ZFHX2: variants seen among roughly 807,000 people sequenced by gnomAD.
The protein encoded by ZFHX2 is zinc finger homeobox protein 2.
Under a neutral mutation model 164.8 loss-of-function variants are expected in ZFHX2, and 75 were observed. That is an observed-to-expected ratio of 0.46 (90% CI 0.38 to 0.55). ZFHX2 has a LOEUF of 0.55. Among genes scored for constraint, ZFHX2 ranks in the 20% least tolerant of loss-of-function variants. The pLI is 0.00. For missense variants in ZFHX2, 2,933 were observed against 3,308.0 expected, an observed-to-expected ratio of 0.89 and a Z score of 2.78; for synonymous variants, 1,217 against 1,351.4, an observed-to-expected ratio of 0.90 and a Z score of 2.18.
Position 23,529,784 on chromosome 14 carries a change from GA to G in ZFHX2, c.2876-17del. ...TCTTCTGAAGCTGAGGATGAAAGAA[GA>G]GGAGATTAAGGAACCCTGACAGCCC... is the stretch of plus-strand genomic sequence containing the variant. On this transcript the variant is annotated splice_polypyrimidine_tract_variant and intron_variant, in intron 5 of 9. Transcript: ENST00000419474. 3 of 1,536,260 alleles carry G rather than the reference GA, an allele frequency of 2.0e-6. No homozygotes were observed. The highest frequency in any genetic ancestry group is 2.6e-6 in the Non-Finnish European group (3 of 1,146,786).
chr14:23,538,818 G>A (rs776642738), intron 1 of ZFHX2, among the ~76,000 whole-genome samples: 20 of 152,152 alleles, frequency 1.3e-4, no homozygotes, highest in Non-Finnish European at 2.6e-4. Context: ...GGGCCTCTGT[G>A]AAGGAGAGGG....
chr14:23,532,921 C>G lies in ZFHX2; in HGVS notation c.2205G>C (p.Leu735=), dbSNP rs1476437859. The G allele has an allele frequency of 6.5e-6, 10 of 1,536,194 alleles. No individual in the cohort carries two copies. The highest frequency in any genetic ancestry group is 8.7e-6 in the Non-Finnish European group (10 of 1,146,908). The change falls in exon 3 of 10, where the codon CTG becomes CTC. Residue 735 remains leucine, a synonymous_variant. Transcript: ENST00000419474. ...QAFSTDSLEL[L]LYHCSIGRSL... is the part of the protein sequence containing the mutation. ...TCCGGCCTATGCTGCAGTGGTAGAG[C>G]AGCAGCTCCAGGCTGTCTGTGCTGA...
In ZFHX2 at chr14:23,524,989, G is replaced by A. The variant is rs189084513; in HGVS notation, c.4953C>T (p.Arg1651=). The A allele has an allele frequency of 3.3e-6, 5 of 1,536,048 alleles. No individual in the cohort carries two copies. The change falls in exon 9 of 10, where the codon CGC becomes CGT. Residue 1651 remains arginine (R), a synonymous_variant. Transcript: ENST00000419474. This position sits in a 1 kb window ranked among gnomAD's most constrained non-coding sequence, Gnocchi z 5.6. ...VWFQNARQKA[R]KNACEGGSMP... ...TGGACCCACCCTCACAGGCATTTTT[G>A]CGTGCTTTCTGGCGGGCATTCTGGA...
In ZFHX2 at chr14:23,531,637, G is replaced by A. The variant is rs373167059; in HGVS notation, c.2644C>T (p.Arg882Cys). The A allele has an allele frequency of 1.3e-5, 19 of 1,519,600 alleles. No individual in the cohort carries two copies. Among genetic ancestry groups the A allele is most frequent in the South Asian group, 3.7e-5 (3 of 81,538 alleles). 94.1% of individuals were successfully genotyped at this position (1,519,600 alleles called of 1,614,324 possible). The change falls in exon 4 of 10, where the codon CGC becomes TGC. Residue 882 changes from arginine (R) to cysteine (C), a missense_variant. Arg to Cys is a radical substitution (Grantham distance 180). Coordinates refer to ENST00000419474, the MANE Select transcript of ZFHX2 (RefSeq NM_033400.3). Reference sequence around the variant, plus strand: ...CGCAGGTGTTGCAGCACAGCCAAGCGGGAGGGTGTCTCCCACGCACACAAC... The same window carrying A: ...CGCAGGTGTTGCAGCACAGCCAAGCAGGAGGGTGTCTCCCACGCACACAAC... Reference protein sequence around the residue: ...CLLCAWETPSRLAVLQHLRTP... With the variant: ...CLLCAWETPSCLAVLQHLRTP...
In ZFHX2 at chr14:23,533,787, G is replaced by A. The variant is rs767397747; in HGVS notation, c.1539C>T (p.Cys513=). ...CGYKPYRCDV[C]NYSTTTKGNL... ...TGCCTTTGGTGGTTGTAGAGTAGTT[G>A]CAGACGTCACAGCGGTAGGGTTTGT... is the stretch of plus-strand genomic sequence containing the variant. The change falls in exon 2 of 10, where the codon TGC becomes TGT. Residue 513 remains cysteine (C), a synonymous_variant. Transcript: ENST00000419474. This position sits in a 1 kb window ranked among gnomAD's most constrained non-coding sequence, Gnocchi z 4.8. 1.3e-6 allele frequency: 2 copies of A among 1,555,028 alleles called. No homozygotes were observed. Among genetic ancestry groups the A allele is most frequent in the Non-Finnish European group, 1.7e-6 (2 of 1,157,254 alleles).
intron 1 of ZFHX2, among the ~76,000 whole-genome samples, chr14:23,540,321 A>G (rs1362423213): frequency 1.3e-5 from 2 of 152,136 alleles, no homozygotes; most frequent in African/African-American, 2.4e-5. Context: ...CACTTTTCTA[A>G]TTGTTTAATC....
At chr14:23,529,672 C>T (rs770760893) in intron 6 of ZFHX2, 38 bp downstream of exon 6, 108 of 1,521,160 alleles carry the variant, frequency 7.1e-5, no homozygotes, top group Non-Finnish European at 9.1e-5. Flanking sequence ...TAAAGCCAGG[C>T]CCCCACTTCA....
At chr14:23,539,684 CA>C (rs1298640873) in intron 1 of ZFHX2, among the ~76,000 whole-genome samples, 1 of 152,146 alleles carries the variant, frequency 6.6e-6, no homozygotes, top group Non-Finnish European at 1.5e-5. Flanking sequence ...CAAAGCTGAC[CA>C]GGGGTGCTTC....
At chr14:23,552,599 TTTTG>T (rs558220630), upstream of ZFHX2, among the ~76,000 whole-genome samples, 330 of 149,622 alleles carry the variant, frequency 2.2e-3, 1 homozygote, top group Non-Finnish European at 2.9e-3. Context: ...CAGCCCGTTT[TTTTG>T]TTTGTTTGTT....
At chr14:23,548,254 C>T (rs1253741620) in intron 1 of ZFHX2, 1 of 152,224 alleles carries the variant, frequency 6.6e-6, no homozygotes, top group Non-Finnish European at 1.5e-5. Context: ...TCTTAGGTTC[C>T]TTCCTCTTGC....
In ZFHX2 at chr14:23,533,256, G is replaced by C; in HGVS notation, c.2041+29C>G. 7.1e-7 allele frequency: 1 copy of C among 1,406,492 alleles called. No homozygotes were observed. The highest frequency in any genetic ancestry group is 1.5e-5 in the South Asian group (1 of 65,794). The allele number at this position is 1,406,492 out of a possible 1,614,324, so 87.1% of individuals were successfully genotyped here. A position where few individuals can be genotyped will look rare whatever the true frequency, so the allele number is the denominator to read the frequency against. ...GAATAGAGTTTGGCCCTGGGGAGGA[G>C]AGAAGAGGGAAGAAGCACAGAAGCT... On this transcript the variant is annotated intron_variant, in intron 2 of 9. Transcript: ENST00000419474. This position sits in a 1 kb window ranked among gnomAD's most constrained non-coding sequence, Gnocchi z 4.8.
In ZFHX2 at chr14:23,533,019, T is replaced by TGTC. The variant is rs1452060435; in HGVS notation, c.2104_2106dup (p.Asp702dup). 1.2e-5 allele frequency: 18 copies of TGTC among 1,535,906 alleles called. No individual in the cohort carries two copies. The highest frequency in any genetic ancestry group is 1.6e-5 in the Non-Finnish European group (18 of 1,146,818). On this transcript the variant is annotated inframe_insertion, in exon 3 of 10. Coordinates refer to ENST00000419474, the MANE Select transcript of ZFHX2 (RefSeq NM_033400.3). This position sits in a 1 kb window ranked among gnomAD's most constrained non-coding sequence, Gnocchi z 4.8. Reference sequence around the variant, plus strand: ...TCTGGGGGTGGTGAGGTGGGCAGGCTGTCAGATGAGGAACCCAGGAGCTGA... The same window carrying TGTC: ...TCTGGGGGTGGTGAGGTGGGCAGGCTGTCGTCAGATGAGGAACCCAGGAGCTGA...
intron 1 of ZFHX2, chr14:23,543,129 A>G (rs944609693): frequency 6.6e-6 from 1 of 152,252 alleles, no homozygotes; most frequent in Non-Finnish European, 1.5e-5. Context: ...TATTACAACA[A>G]AAACTAATTG....
Position 23,551,674 on chromosome 14 carries a change from T to TCTCCTCCTCGCC in ZFHX2, c.-393_-382dup, listed in dbSNP as rs1881964925. On this transcript the variant is annotated 5_prime_UTR_variant, in exon 1 of 10. Coordinates refer to ENST00000419474, the MANE Select transcript of ZFHX2 (RefSeq NM_033400.3). The surrounding 1 kb of genome is among the most constrained non-coding windows in gnomAD (Gnocchi z 5.3). ...CCTGCCTCCTCCTCCTCCTCCTCCT[T>TCTCCTCCTCGCC]CTCCTCCTCGCCCTCCTCCTCCTCC... 6.6e-6 allele frequency: 1 copy of TCTCCTCCTCGCC among 151,636 alleles called. No individual in the cohort carries two copies. Among genetic ancestry groups the TCTCCTCCTCGCC allele is most frequent in the East Asian group, 2.0e-4 (1 of 5,086 alleles). 9.4% of individuals were successfully genotyped at this position (151,636 alleles called of 1,614,324 possible).
At position 23,533,315 on chromosome 14, in the gene ZFHX2, C is replaced by G; in HGVS notation, c.2011G>C (p.Gly671Arg). 1 of 1,438,016 alleles carries G rather than the reference C, an allele frequency of 7.0e-7. No homozygotes were observed. The highest frequency in any genetic ancestry group is 9.1e-7 in the Non-Finnish European group (1 of 1,100,268). 89.1% of individuals were successfully genotyped at this position (1,438,016 alleles called of 1,614,324 possible). A position where few individuals can be genotyped will look rare whatever the true frequency, so the allele number is the denominator to read the frequency against. The part of the protein sequence containing the change: ...QLLLNGFHHV[G>R]APARKFPTSA... ...GTGGGGAACTTGCGGGCAGGTGCTC[C>G]TACGTGGTGGAAACCATTGAGAAGT... is the stretch of plus-strand genomic sequence containing the variant. Residue 671 changes from glycine to arginine, a missense_variant, in exon 2 of 10, where the codon GGA (glycine) becomes CGA (arginine). Coordinates refer to ENST00000419474, the MANE Select transcript of ZFHX2 (RefSeq NM_033400.3). The surrounding 1 kb of genome is among the most constrained non-coding windows in gnomAD (Gnocchi z 4.8).
Position 23,533,553 on chromosome 14 carries a change from C to T in ZFHX2, c.1773G>A (p.Glu591=), listed in dbSNP as rs1038090564. 20 of 1,536,252 alleles carry T rather than the reference C, an allele frequency of 1.3e-5. No individual in the cohort carries two copies. The African/African-American group carries it at 2.6e-4, about 20-fold the overall frequency. ...SRNLRIHMTS[E]KHMQNVLMLH... ...GCATTAGGACATTCTGCATGTGCTT[C>T]TCAGAGGTCATATGGATGCGCAGGT... Residue 591 remains glutamate, a synonymous_variant, in exon 2 of 10, where the codon GAG becomes GAA. Transcript: ENST00000419474. This position sits in a 1 kb window ranked among gnomAD's most constrained non-coding sequence, Gnocchi z 4.8.
chr14:23,524,084 C>T lies in ZFHX2; in HGVS notation c.5858G>A (p.Gly1953Asp). The T allele has an allele frequency of 6.5e-7, 1 of 1,527,104 alleles. No homozygotes were observed. The allele number at this position is 1,527,104 out of a possible 1,614,324, so 94.6% of individuals were successfully genotyped here. A position where few individuals can be genotyped will look rare whatever the true frequency, so the allele number is the denominator to read the frequency against. The change falls in exon 9 of 10, where the codon GGC becomes GAC. Residue 1953 changes from glycine to aspartate, a missense_variant. Gly to Asp is a moderately conservative substitution (Grantham distance 94). Coordinates refer to ENST00000419474, the MANE Select transcript of ZFHX2 (RefSeq NM_033400.3). The surrounding 1 kb of genome is among the most constrained non-coding windows in gnomAD (Gnocchi z 5.6). ...FNLLLGKVDD[G>D]TGREAPKREA... ...CCTCTTTGGGGCTTCCCTCCCAGTG[C>T]CATCATCTACCTTGCCTAATAAGAG...
Position 23,521,612 on chromosome 14 carries a change from A to G in ZFHX2, c.*350T>C, listed in dbSNP as rs1878002198. 4.4e-6 allele frequency: 1 copy of G among 228,852 alleles called. No individual in the cohort carries two copies. Among genetic ancestry groups the G allele is most frequent in the Non-Finnish European group, 8.5e-6 (1 of 117,080 alleles). The allele number at this position is 228,852 out of a possible 1,614,324, so 14.2% of individuals were successfully genotyped here. On this transcript the variant is annotated 3_prime_UTR_variant, in exon 10 of 10. Transcript: ENST00000419474. ...TATGGGGATGGGGAGCTGGGAATTC[A>G]GTGAGGAAAAGGAAGATAGAACCAA...
chr14:23,531,515 G>C lies in ZFHX2; in HGVS notation c.2766C>G (p.Ile922Met). Residue 922 changes from isoleucine (I) to methionine (M), a missense_variant, in exon 4 of 10, where the codon ATC (isoleucine) becomes ATG (methionine). Physicochemically the swap from Ile to Met is conservative, Grantham distance 10 (BLOSUM62 1). Transcript: ENST00000419474. ...GGAGCTGCCCGTGGCTGAAGCTCAG[G>C]ATGCTCTGAAGAGCTGCGAGTCCTT... ...TEEGLAALQSILSFSHGQLRT... is the reference protein window; with the variant it reads ...TEEGLAALQSMLSFSHGQLRT... 1 of 1,471,858 alleles carries C rather than the reference G, an allele frequency of 6.8e-7. No homozygotes were observed. Among genetic ancestry groups the C allele is most frequent in the Non-Finnish European group, 9.0e-7 (1 of 1,108,068 alleles). The allele number at this position is 1,471,858 out of a possible 1,614,324, so 91.2% of individuals were successfully genotyped here. A position where few individuals can be genotyped will look rare whatever the true frequency, so the allele number is the denominator to read the frequency against.
Sources: allele counts gnomAD v4.1 joint callset (sites outside exome capture counted in the v4.1 genomes callset), GRCh38; gene constraint gnomAD v4.1.1; non-coding constraint Gnocchi (gnomAD v3.1); transcripts MANE v1.5; gene names NCBI Gene and HGNC (gene_info 2026-07-23, HGNC 2026-07-21).